Variants in ATP8A2 observed in about 807,000 individuals in gnomAD.
ATP8A2 encodes phospholipid-transporting ATPase IB.
Under a neutral mutation model 165.6 loss-of-function variants are expected in ATP8A2, and 100 were observed. The ratio of observed to expected loss-of-function variants is 0.60; its 90% confidence interval spans 0.51 to 0.71. ATP8A2 has a LOEUF of 0.71. Ranked by LOEUF, ATP8A2 falls within the 30% of genes least tolerant of loss-of-function variation. The pLI is 0.00. For synonymous variants in ATP8A2, 543 were observed against 548.8 expected, an observed-to-expected ratio of 0.99 and a Z score of 0.15; for missense variants, 1,227 against 1,479.5, an observed-to-expected ratio of 0.83 and a Z score of 2.80.
At position 25,513,279 on chromosome 13, in the gene ATP8A2, G is replaced by T. The variant is rs1337263111; in HGVS notation, c.222-16720G>T. Reference sequence around the variant, plus strand: ...CAGAGACGCTCCTCACCTCCCAGACGGGGTCGCGGCCGGGTAGGGGTGCTC... The same window carrying T: ...CAGAGACGCTCCTCACCTCCCAGACTGGGTCGCGGCCGGGTAGGGGTGCTC... On this transcript the variant is annotated intron_variant, in intron 2 of 36. Transcript: ENST00000381655. 2.0e-5 allele frequency among the ~76,000 whole-genome samples: 3 copies of T among 152,120 alleles called. No homozygotes were observed. The East Asian group carries it at 5.8e-4, about 30-fold the overall frequency.
chr13:25,585,520 C>T (rs141244322), intron 23 of ATP8A2, among the ~76,000 whole-genome samples: 2,241 of 152,204 alleles, frequency 0.015, 59 homozygotes, highest in African/African-American at 0.05. Flanking sequence ...CTTTCCCCCA[C>T]CCTCCCTGCA....
intron 25 of ATP8A2, among the ~76,000 whole-genome samples, chr13:25,729,002 C>T (rs972114998): frequency 6.6e-6 from 1 of 152,128 alleles, no homozygotes; most frequent in African/African-American, 2.4e-5. Flanking sequence ...CTCTTGCATT[C>T]TTAAAAACTC....
intron 2 of ATP8A2, among the ~76,000 whole-genome samples, chr13:25,489,324 C>G (rs919778708): frequency 6.6e-6 from 1 of 152,140 alleles, no homozygotes; most frequent in Non-Finnish European, 1.5e-5. Flanking sequence ...AACACTGTCT[C>G]CTAATCTACT....
intron 25 of ATP8A2, among the ~76,000 whole-genome samples, chr13:25,719,140 C>T (rs1033577951): frequency 2.0e-5 from 3 of 152,208 alleles, no homozygotes; most frequent in African/African-American, 4.8e-5. Flanking sequence ...CGGAAACTTC[C>T]GTGATCCGGC....
At chr13:25,829,556 G>T (rs781338619) in intron 28 of ATP8A2, among the ~76,000 whole-genome samples, 3 of 150,740 alleles carry the variant, frequency 2.0e-5, no homozygotes, top group Non-Finnish European at 4.4e-5. Flanking sequence ...GCTTGAAAGG[G>T]TCAGGTATCA....
chr13:25,939,295 C>T (rs1001353712), intron 33 of ATP8A2, among the ~76,000 whole-genome samples: 2 of 152,164 alleles, frequency 1.3e-5, no homozygotes, highest in African/African-American at 2.4e-5. Context: ...GCAGTGCTTT[C>T]CTTTTAGAGC....
chr13:25,737,471 A>G (rs1317997708), intron 25 of ATP8A2, among the ~76,000 whole-genome samples: 1 of 152,060 alleles, frequency 6.6e-6, no homozygotes, highest in Non-Finnish European at 1.5e-5. Context: ...GAAGAATCCA[A>G]AACAGACTCT....
intron 28 of ATP8A2, among the ~76,000 whole-genome samples, chr13:25,829,549 T>G (rs1043044584): frequency 6.6e-6 from 1 of 151,028 alleles, no homozygotes; most frequent in Admixed American, 6.6e-5. Context: ...ATTCAGTGCT[T>G]GAAAGGGTCA....
intron 28 of ATP8A2, among the ~76,000 whole-genome samples, chr13:25,831,662 G>T (rs546066159): frequency 6.6e-5 from 10 of 152,086 alleles, no homozygotes; most frequent in African/African-American, 2.4e-4. Flanking sequence ...GGCCAACATG[G>T]TGAAACCTCA....
At chr13:25,785,016 G>A (rs939588295) in intron 27 of ATP8A2, among the ~76,000 whole-genome samples, 5 of 151,892 alleles carry the variant, frequency 3.3e-5, no homozygotes, top group African/African-American at 9.7e-5. Context: ...GCCTGCCTCG[G>A]CCTCCCAAAG....
intron 25 of ATP8A2, among the ~76,000 whole-genome samples, chr13:25,709,805 CA>C (rs1164770087): frequency 5.9e-5 from 9 of 152,008 alleles, no homozygotes; most frequent in African/African-American, 2.2e-4. Context: ...TAGCCTATGC[CA>C]ATATAAACCT....
chr13:25,885,074 A>G (rs1953102163), intron 33 of ATP8A2, among the ~76,000 whole-genome samples: 1 of 139,752 alleles, frequency 7.2e-6, no homozygotes, highest in African/African-American at 2.7e-5. Flanking sequence ...TCCTCTCTCC[A>G]GCCTGAGAGT....
Position 25,862,291 on chromosome 13 carries a change from C to A in ATP8A2, c.3076-10C>A, listed in dbSNP as rs2138765212. 6.2e-7 allele frequency: 1 copy of A among 1,610,304 alleles called. No individual in the cohort carries two copies. The highest frequency in any genetic ancestry group is 2.2e-5 in the East Asian group (1 of 44,848). On this transcript the variant is annotated splice_polypyrimidine_tract_variant and intron_variant, in intron 32 of 36. Transcript: ENST00000381655. ...GAGAAGCCTGTCTGAGTGTCTATTT[C>A]CCTCTGCAGTTCAGTCATCTGGCTG...
At chr13:26,004,496 TA>T (rs1349537899) in intron 35 of ATP8A2, among the ~76,000 whole-genome samples, 1 of 152,068 alleles carries the variant, frequency 6.6e-6, no homozygotes, top group Non-Finnish European at 1.5e-5. Context: ...CAGGATACCT[TA>T]TATTACCCTC....
chr13:26,011,081 A>G (rs1213834177), intron 35 of ATP8A2, among the ~76,000 whole-genome samples: 1 of 152,122 alleles, frequency 6.6e-6, no homozygotes, highest in East Asian at 1.9e-4. Context: ...CATGGGATTC[A>G]AGCACCTGCA....
At chr13:25,531,323 A>ATGAT (rs2038069447) in intron 4 of ATP8A2, among the ~76,000 whole-genome samples, 1 of 126,200 alleles carries the variant, frequency 7.9e-6, no homozygotes, top group Non-Finnish European at 1.6e-5. Flanking sequence ...TATGTTATAT[A>ATGAT]TGATATATAT....
At chr13:25,687,989 C>T (rs1200392348) in intron 24 of ATP8A2, among the ~76,000 whole-genome samples, 1 of 152,102 alleles carries the variant, frequency 6.6e-6, no homozygotes, top group Non-Finnish European at 1.5e-5. Flanking sequence ...TCCTCCCAGC[C>T]TGCCAGAGTC....
At position 25,578,948 on chromosome 13, in the gene ATP8A2, C is replaced by G. The variant is rs200282897; in HGVS notation, c.1867+49C>G. 1.1e-4 allele frequency: 132 copies of G among 1,219,314 alleles called. No individual in the cohort carries two copies. In the African/African-American group the frequency reaches 1.8e-3, roughly 17 times the overall value. 75.5% of individuals were successfully genotyped at this position (1,219,314 alleles called of 1,614,324 possible). The stretch of plus-strand genomic sequence containing the variant: ...TTTTTGGCCATTGGAGCTGTACTTT[C>G]AAGCATGTTGTCTTGATTTCCAGGG... On this transcript the variant is annotated intron_variant, in intron 21 of 36. Coordinates refer to ENST00000381655, the MANE Select transcript of ATP8A2 (RefSeq NM_016529.6).
chr13:25,856,980 C>T (rs1355389225), intron 30 of ATP8A2, among the ~76,000 whole-genome samples: 1 of 152,190 alleles, frequency 6.6e-6, no homozygotes, highest in Non-Finnish European at 1.5e-5. Flanking sequence ...CCCATAAAAG[C>T]TGGACTATTC....
Sources: allele counts gnomAD v4.1 joint callset (sites outside exome capture counted in the v4.1 genomes callset), GRCh38; gene constraint gnomAD v4.1.1; transcripts MANE v1.5; gene names NCBI Gene and HGNC (gene_info 2026-07-23, HGNC 2026-07-21).